RNF152: variants seen among roughly 807,000 people sequenced by gnomAD.
RNF152 encodes the protein E3 ubiquitin-protein ligase RNF152.
Under a neutral mutation model 12.7 loss-of-function variants are expected in RNF152, and 11 were observed. The ratio of observed to expected loss-of-function variants is 0.86; its 90% CI spans 0.54 to 1.43. The LOEUF (loss-of-function observed/expected upper bound fraction) is 1.43. Among genes scored for constraint, RNF152 ranks in the 40% most tolerant of loss-of-function variants. The probability of loss-of-function intolerance (pLI) is 0.00; values close to 1 mark genes in which losing one functional copy is unlikely to be tolerated. For synonymous variants in RNF152, 113 were observed against 120.3 expected (o/e 0.94, Z 0.40); for missense variants, 255 against 274.8 (o/e 0.93, Z 0.51).
chr18:61,834,109 TG>T (rs1289871877), intron 1 of RNF152, among the ~76,000 whole-genome samples: 1 of 152,228 alleles, frequency 6.6e-6, no homozygotes, highest in Non-Finnish European at 1.5e-5. Context: ...ATCTTATTTT[TG>T]TTACGTCCTG....
At chr18:61,817,139 A>C (rs1909146283) in intron 1 of RNF152, among the ~76,000 whole-genome samples, 1 of 152,248 alleles carries the variant, frequency 6.6e-6, no homozygotes, top group Admixed American at 6.5e-5. Flanking sequence ...TCCTCTTCAC[A>C]GAGAAGTAAA....
chr18:61,863,456 T>C (rs1029262638), intron 1 of RNF152, among the ~76,000 whole-genome samples: 1 of 142,454 alleles, frequency 7.0e-6, no homozygotes, highest in Non-Finnish European at 1.5e-5. Flanking sequence ...AAAAAAAAAG[T>C]AGCCCCTTGA....
intron 1 of RNF152, among the ~76,000 whole-genome samples, chr18:61,831,615 TA>T (rs201903258): frequency 6.6e-6 from 1 of 151,660 alleles, no homozygotes; most frequent in East Asian, 1.9e-4. Context: ...AGATGTAAGA[TA>T]AAAAAAATAA....
At chr18:61,872,297 T>C (rs1912030082) in intron 1 of RNF152, among the ~76,000 whole-genome samples, 1 of 152,124 alleles carries the variant, frequency 6.6e-6, no homozygotes, top group African/African-American at 2.4e-5. Flanking sequence ...GGGGTTACAA[T>C]TCAACATGAG....
intron 1 of RNF152, among the ~76,000 whole-genome samples, chr18:61,859,379 A>G (rs547231190): frequency 2.0e-5 from 3 of 152,148 alleles, no homozygotes; most frequent in Non-Finnish European, 4.4e-5. Flanking sequence ...AGTTTCACAC[A>G]CTGTTCCCAG....
intron 1 of RNF152, among the ~76,000 whole-genome samples, chr18:61,844,097 A>G (rs546982546): frequency 2.9e-4 from 36 of 122,426 alleles, no homozygotes; most frequent in African/African-American, 9.9e-4. Flanking sequence ...AAAGAAAGAA[A>G]GAAAGAAAGA....
chr18:61,831,872 T>C (rs906982438), intron 1 of RNF152, among the ~76,000 whole-genome samples: 3 of 152,092 alleles, frequency 2.0e-5, no homozygotes, highest in African/African-American at 7.2e-5. Flanking sequence ...TAAAAAATTA[T>C]GTAACCTATT....
chr18:61,827,146 A>G (rs910416661), intron 1 of RNF152, among the ~76,000 whole-genome samples: 3 of 152,260 alleles, frequency 2.0e-5, no homozygotes, highest in Non-Finnish European at 4.4e-5. Flanking sequence ...TCCTCCTTAT[A>G]GTCTGAACTT....
intron 1 of RNF152, among the ~76,000 whole-genome samples, chr18:61,833,364 T>C (rs1053316049): frequency 6.6e-6 from 1 of 152,186 alleles, no homozygotes; most frequent in African/African-American, 2.4e-5. Context: ...TAACCTACAT[T>C]AGAAAGAAGG....
intron 1 of RNF152, among the ~76,000 whole-genome samples, chr18:61,826,836 C>T (rs8091174): frequency 0.38 from 57,075 of 152,042 alleles, 11,089 homozygotes; most frequent in Non-Finnish European, 0.42. Flanking sequence ...CTCCAGAATG[C>T]AAACTGTTTT....
intron 1 of RNF152, among the ~76,000 whole-genome samples, chr18:61,891,696 T>C (rs1289821204): frequency 1.3e-5 from 2 of 152,244 alleles, no homozygotes; most frequent in Non-Finnish European, 2.9e-5. Context: ...GGATAAATGC[T>C]AGTGTCACCT....
At chr18:61,835,375 G>A (rs1910132584) in intron 1 of RNF152, among the ~76,000 whole-genome samples, 1 of 152,154 alleles carries the variant, frequency 6.6e-6, no homozygotes, top group African/African-American at 2.4e-5. Context: ...ATAGGAGCCA[G>A]GTTATATTGT....
rs58772361 is a variant in RNF152 at position 61,813,278 on chromosome 18, T to TCACACACACA, written c.*2564_*2573dup. On this transcript the variant is annotated 3_prime_UTR_variant, in exon 2 of 2. Transcript: ENST00000312828. Reference sequence around the variant, plus strand: ...GAGATTCTCTCTCTCTCTCTCTCTCTCACACACACACACACACACACACAC... The same window carrying TCACACACACA: ...GAGATTCTCTCTCTCTCTCTCTCTCTCACACACACACACACACACACACACACACACACAC... 2.6e-5 allele frequency: 3 copies of TCACACACACA among 117,210 alleles called. No homozygotes were observed. In the East Asian group the frequency reaches 6.7e-4, roughly 26 times the overall value. 7.3% of individuals were successfully genotyped at this position (117,210 alleles called of 1,614,324 possible).
intron 1 of RNF152, among the ~76,000 whole-genome samples, chr18:61,856,407 T>C (rs1488663687): frequency 6.6e-6 from 1 of 152,160 alleles, no homozygotes; most frequent in East Asian, 1.9e-4. Flanking sequence ...ACTTCTTTCA[T>C]GGCAGCTCTA....
At chr18:61,857,003 T>C (rs562396839) in intron 1 of RNF152, among the ~76,000 whole-genome samples, 1 of 152,342 alleles carries the variant, frequency 6.6e-6, no homozygotes, top group South Asian at 2.1e-4. Context: ...GGCAACATTT[T>C]AAATTAATTA....
intron 1 of RNF152, among the ~76,000 whole-genome samples, chr18:61,861,169 T>G (rs934958568): frequency 1.3e-5 from 2 of 152,102 alleles, no homozygotes; most frequent in Admixed American, 6.5e-5. Flanking sequence ...TACAGTAGTG[T>G]ACAGAAATGT....
chr18:61,835,635 C>G (rs1027379808), intron 1 of RNF152, among the ~76,000 whole-genome samples: 1 of 152,008 alleles, frequency 6.6e-6, no homozygotes, highest in Admixed American at 6.6e-5. Flanking sequence ...CAAAATCAAA[C>G]CCTAAAATTA....
rs1462149074 is a variant in RNF152 at position 61,808,195 on chromosome 18, G to C, written c.*7657C>G. On this transcript the variant is annotated 3_prime_UTR_variant, in exon 2 of 2. Coordinates refer to ENST00000312828, the MANE Select transcript of RNF152 (RefSeq NM_173557.3). ...ACAAAAATACCATATATTAAAATTG[G>C]GTTCATTGGAAAACTCAGGACTGGC... 1 of 151,654 alleles carries C rather than the reference G, an allele frequency of 6.6e-6. No homozygotes were observed. Among genetic ancestry groups the C allele is most frequent in the Non-Finnish European group, 1.5e-5 (1 of 67,958 alleles). 9.4% of individuals were successfully genotyped at this position (151,654 alleles called of 1,614,324 possible). A position where few individuals can be genotyped will look rare whatever the true frequency, so the allele number is the denominator to read the frequency against.
intron 1 of RNF152, among the ~76,000 whole-genome samples, chr18:61,889,110 C>A (rs1912830179): frequency 6.6e-6 from 1 of 152,176 alleles, no homozygotes; most frequent in Non-Finnish European, 1.5e-5. Flanking sequence ...TCCTGCTGGT[C>A]TCCAAGCTGC....
Sources: gnomAD v4.1 joint callset for allele counts (sites outside exome capture counted in the v4.1 genomes callset) on GRCh38, gnomAD v4.1.1 for gene constraint, MANE v1.5 for transcripts, NCBI Gene and HGNC (gene_info 2026-07-23, HGNC 2026-07-21) for gene names.